SPOCK3: variants seen among roughly 807,000 people sequenced by gnomAD.
The protein encoded by SPOCK3 is testican-3.
SPOCK3 carries 30 observed loss-of-function variants against 56.6 expected under a neutral mutation model. The ratio of observed to expected loss-of-function variants is 0.53; its 90% CI spans 0.40 to 0.72. The LOEUF (loss-of-function observed/expected upper bound fraction) is 0.72, where lower values mean the gene tolerates loss of function less well. Among genes scored for constraint, SPOCK3 ranks in the 30% least tolerant of loss-of-function variants. The pLI is 0.00. For missense variants in SPOCK3, 527 were observed against 530.0 expected (o/e 0.99, Z 0.06); for synonymous variants, 196 against 183.3 (o/e 1.07, Z -0.56).
intron 4 of SPOCK3, among the ~76,000 whole-genome samples, chr4:166,980,547 G>A (rs908278140): frequency 6.6e-6 from 1 of 152,208 alleles, no homozygotes; most frequent in Non-Finnish European, 1.5e-5. Flanking sequence ...CATGCTAGCA[G>A]CCAAGATCCC....
In SPOCK3 at chr4:166,961,244, C is replaced by T. The variant is rs114022893; in HGVS notation, c.350+39105G>A. On this transcript the variant is annotated intron_variant, in intron 4 of 10. Coordinates refer to ENST00000357545, the MANE Select transcript of SPOCK3 (RefSeq NM_001040159.2). ...CCTTTAAATACGTGAGTCTTACCCA[C>T]GAAATTAAAAAAAAAAACTGCAAAA... Among the ~76,000 whole-genome samples the T allele has an allele frequency of 9.1e-3, 1,174 of 128,670 alleles. 13 individuals carry two copies. Among genetic ancestry groups the T allele is most frequent in the African/African-American group, 0.041 (1,102 of 26,910 alleles). The allele number at this position is 128,670 out of a possible 152,430, so 84.4% of individuals were successfully genotyped here.
intron 6 of SPOCK3, among the ~76,000 whole-genome samples, chr4:166,888,859 A>T (rs1734470316): frequency 6.6e-6 from 1 of 152,050 alleles, no homozygotes. Flanking sequence ...AACTGTTTAT[A>T]GAATGCATTG....
chr4:167,178,762 AAG>A (rs1731199515), intron 2 of SPOCK3, among the ~76,000 whole-genome samples: 1 of 152,126 alleles, frequency 6.6e-6, no homozygotes, highest in African/African-American at 2.4e-5. Context: ...CAATTTAAGA[AAG>A]GGGATAAAAA....
chr4:166,848,916 A>G (rs1000126339), intron 6 of SPOCK3, among the ~76,000 whole-genome samples: 9 of 152,224 alleles, frequency 5.9e-5, no homozygotes, highest in Admixed American at 5.9e-4. Context: ...GGTGATGTAA[A>G]CTATGTCGTT....
chr4:167,009,474 T>C (rs1749800437), intron 3 of SPOCK3, among the ~76,000 whole-genome samples: 1 of 152,192 alleles, frequency 6.6e-6, no homozygotes, highest in Non-Finnish European at 1.5e-5. Flanking sequence ...TTTTAATTTA[T>C]ATTACTTTCA....
intron 4 of SPOCK3, among the ~76,000 whole-genome samples, chr4:166,919,032 A>T (rs558155022): frequency 6.6e-6 from 1 of 152,352 alleles, no homozygotes; most frequent in South Asian, 2.1e-4. Flanking sequence ...CACCAGAAGC[A>T]GATGCTGGCA....
At chr4:166,763,372 G>A (rs942102904) in intron 7 of SPOCK3, among the ~76,000 whole-genome samples, 2 of 151,874 alleles carry the variant, frequency 1.3e-5, no homozygotes, top group Non-Finnish European at 2.9e-5. Context: ...GATTTCAAGA[G>A]TTACAACTCT....
intron 6 of SPOCK3, among the ~76,000 whole-genome samples, chr4:166,815,860 A>C (rs957226288): frequency 3.7e-4 from 57 of 152,250 alleles, no homozygotes; most frequent in Admixed American, 8.5e-4. Flanking sequence ...TCACTGTTTT[A>C]AAGATGAGGA....
intron 3 of SPOCK3, among the ~76,000 whole-genome samples, chr4:167,042,809 G>A (rs1753345929): frequency 1.3e-5 from 2 of 152,078 alleles, no homozygotes; most frequent in African/African-American, 2.4e-5. Flanking sequence ...ACTTCCAGAT[G>A]CTTTATAAGG....
At chr4:167,020,796 A>G (rs1580016247) in intron 3 of SPOCK3, among the ~76,000 whole-genome samples, 2 of 152,132 alleles carry the variant, frequency 1.3e-5, no homozygotes, top group East Asian at 1.9e-4. Flanking sequence ...CTTACTTCCC[A>G]TTACAAAAAA....
intron 6 of SPOCK3, among the ~76,000 whole-genome samples, chr4:166,847,348 C>A (rs1449558364): frequency 7.9e-5 from 12 of 151,732 alleles, no homozygotes; most frequent in Admixed American, 7.9e-4. Flanking sequence ...TGCCTTCAGG[C>A]CAATTATTTA....
At chr4:167,134,424 AAGG>A in intron 2 of SPOCK3, among the ~76,000 whole-genome samples, 1 of 152,244 alleles carries the variant, frequency 6.6e-6, no homozygotes, top group East Asian at 1.9e-4. Context: ...GGCAAATGGC[AAGG>A]AGTACTGATA....
chr4:167,195,428 G>A (rs1382159840), intron 2 of SPOCK3, among the ~76,000 whole-genome samples: 2 of 152,184 alleles, frequency 1.3e-5, no homozygotes, highest in Non-Finnish European at 2.9e-5. Context: ...GTGCAGAACT[G>A]TTGAGAGAGG....
At chr4:166,985,306 T>C (rs1179934526) in intron 4 of SPOCK3, among the ~76,000 whole-genome samples, 6 of 152,174 alleles carry the variant, frequency 3.9e-5, no homozygotes, top group Admixed American at 2.0e-4. Context: ...CTGGCTATAG[T>C]TTAGACGTAA....
At chr4:166,863,178 G>C (rs888410060) in intron 6 of SPOCK3, among the ~76,000 whole-genome samples, 2 of 152,020 alleles carry the variant, frequency 1.3e-5, no homozygotes, top group Non-Finnish European at 2.9e-5. Flanking sequence ...ATAAGCAAAG[G>C]AGAAATAAAA....
In SPOCK3 at chr4:166,838,961, TA is replaced by T. The variant is rs899899974; in HGVS notation, c.590-46673del. On this transcript the variant is annotated intron_variant, in intron 6 of 10. Transcript: ENST00000357545. ...TAGGCAACAAAGCAAGACTCCATCT[TA>T]AAAAAAAAAATCTTTGTCATATAGT... 3.9e-4 allele frequency among the ~76,000 whole-genome samples: 57 copies of T among 145,172 alleles called. No individual in the cohort carries two copies. The Middle Eastern group carries it at 0.01, about 26-fold the overall frequency.
At chr4:166,912,579 G>T in intron 5 of SPOCK3, 41 bp downstream of exon 5, 1 of 1,568,712 alleles carries the variant, frequency 6.4e-7, no homozygotes, top group Non-Finnish European at 8.8e-7. Context: ...TAATAAGTAT[G>T]CATCCCTTAT....
chr4:166,868,463 C>G (rs1732105762), intron 6 of SPOCK3, among the ~76,000 whole-genome samples: 1 of 151,874 alleles, frequency 6.6e-6, no homozygotes, highest in Admixed American at 6.6e-5. Context: ...ATGACCCTGT[C>G]TCTAAAAAAT....
At chr4:166,769,466 TG>T (rs1405245677) in intron 7 of SPOCK3, among the ~76,000 whole-genome samples, 1 of 152,208 alleles carries the variant, frequency 6.6e-6, no homozygotes, top group Non-Finnish European at 1.5e-5. Flanking sequence ...AGACCCTGTT[TG>T]CCTGGGTATC....
Sources: allele counts gnomAD v4.1 joint callset (sites outside exome capture counted in the v4.1 genomes callset), GRCh38; gene constraint gnomAD v4.1.1; transcripts MANE v1.5; gene names NCBI Gene and HGNC (gene_info 2026-07-23, HGNC 2026-07-21).